Variants in SLC12A7 observed in about 807,000 individuals in gnomAD.
The protein encoded by SLC12A7 is solute carrier family 12 member 7.
A neutral mutation model predicts 120.6 loss-of-function variants in SLC12A7; 100 were observed. The observed-to-expected ratio is 0.83, with a 90% CI of 0.71 to 0.98. The LOEUF is 0.98. SLC12A7 is among the 50% of genes least tolerant of loss of function. The pLI, the probability that SLC12A7 is intolerant of heterozygous loss-of-function variation, is 0.00. For missense variants in SLC12A7, 1,373 were observed against 1,548.1 expected (o/e 0.89, Z 1.90); for synonymous variants, 760 against 678.0 (o/e 1.12, Z -1.88).
intron 3 of SLC12A7, among the ~76,000 whole-genome samples, chr5:1,090,656 G>C (rs1740392992): frequency 6.6e-6 from 1 of 152,182 alleles, no homozygotes; most frequent in South Asian, 2.1e-4. Context: ...GAGCCGACAG[G>C]CAGAGCTCCA....
At chr5:1,057,892 A>C (rs1356390220) in intron 21 of SLC12A7, among the ~76,000 whole-genome samples, 1 of 152,164 alleles carries the variant, frequency 6.6e-6, no homozygotes. Context: ...CCTGAACTGG[A>C]AAGGCCCCAT....
rs765402313 is a variant in SLC12A7, at chr5:1,083,936, C to CG, written c.937dup (p.Arg313ProfsTer41). On this transcript the variant is annotated frameshift_variant, in exon 8 of 24. Coordinates refer to ENST00000264930, the MANE Select transcript of SLC12A7 (RefSeq NM_006598.3). LOFTEE classifies it high-confidence loss of function. The stretch of plus-strand genomic sequence containing the variant: ...ATCGAAGCTGCGCCGTGACAGCGTG[C>CG]GGTTCCCCAGGAGGCAGACCCTGGG... The CG allele has an allele frequency of 1.9e-6, 3 of 1,603,544 alleles. No individual in the cohort carries two copies.
intron 1 of SLC12A7, among the ~76,000 whole-genome samples, chr5:1,104,833 C>T (rs1432252628): frequency 1.3e-5 from 2 of 152,266 alleles, no homozygotes; most frequent in East Asian, 1.9e-4. Context: ...CGGAAACAGG[C>T]ACGGGCTGGC....
chr5:1,075,204 C>A (rs1307931291), intron 15 of SLC12A7, among the ~76,000 whole-genome samples, 167 bp downstream of exon 15: 4 of 151,996 alleles, frequency 2.6e-5, no homozygotes, highest in African/African-American at 9.7e-5. Flanking sequence ...GAGGGAAACC[C>A]CAGCTTTCAC....
At chr5:1,058,025 G>A (rs933492024) in intron 21 of SLC12A7, among the ~76,000 whole-genome samples, 7 of 152,018 alleles carry the variant, frequency 4.6e-5, no homozygotes, top group Non-Finnish European at 7.4e-5. Context: ...AGGCGTCCCC[G>A]TCTCAGGGAG....
chr5:1,146,304 A>G, the SLC12A7 span, among the ~76,000 whole-genome samples: 1 of 152,130 alleles, frequency 6.6e-6, no homozygotes, highest in Non-Finnish European at 1.5e-5. This position sits in a 1 kb window ranked among gnomAD's most constrained non-coding sequence, Gnocchi z 6.5. Flanking sequence ...GTGGGAGCCC[A>G]GATGCTGGTG....
intron 9 of SLC12A7, among the ~76,000 whole-genome samples, chr5:1,080,033 G>A (rs1008854409): frequency 7.2e-5 from 11 of 152,174 alleles, no homozygotes; most frequent in East Asian, 1.9e-4. Flanking sequence ...GCCACTTCAC[G>A]CCTGGCTCGG....
At chr5:1,091,816 A>G (rs1158251132) in intron 3 of SLC12A7, among the ~76,000 whole-genome samples, 1 of 149,582 alleles carries the variant, frequency 6.7e-6, no homozygotes, top group East Asian at 2.0e-4. Context: ...GTTCCACACC[A>G]TCCACGTGCA....
chr5:1,142,263 G>A, the SLC12A7 span, among the ~76,000 whole-genome samples: 5 of 91,164 alleles, frequency 5.5e-5, no homozygotes, highest in African/African-American at 1.4e-4. Flanking sequence ...AACCTCCCCC[G>A]TCTCCTGTCC....
At chr5:1,059,060 G>T (rs374715261) in intron 21 of SLC12A7, among the ~76,000 whole-genome samples, 2 of 152,218 alleles carry the variant, frequency 1.3e-5, no homozygotes, top group Non-Finnish European at 2.9e-5. Context: ...AGCTGGACCC[G>T]GGCTGAACCC....
At chr5:1,052,493 G>A in intron 23 of SLC12A7, 42 bp from the exon 24 acceptor site, 1 of 1,507,056 alleles carries the variant, frequency 6.6e-7, no homozygotes, top group South Asian at 1.1e-5. Flanking sequence ...TCTTACCTGA[G>A]CGTGTGTAGC....
intron 22 of SLC12A7, 31 bp downstream of exon 22, chr5:1,057,440 T>C (rs373084150): frequency 2.2e-5 from 35 of 1,582,420 alleles, no homozygotes; most frequent in East Asian, 6.7e-5. Flanking sequence ...CCAGGATCTG[T>C]TCCCCCCAGG....
chr5:1,062,080 T>TG (rs560987182), intron 20 of SLC12A7, among the ~76,000 whole-genome samples: 176 of 152,042 alleles, frequency 1.2e-3, no homozygotes, highest in African/African-American at 4.0e-3. Flanking sequence ...GCTGGGAGCA[T>TG]GGGGGGTGCT....
intron 1 of SLC12A7, among the ~76,000 whole-genome samples, chr5:1,096,559 C>T (rs4975549): frequency 0.95 from 142,800 of 150,856 alleles, 68,105 homozygotes; most frequent in East Asian, 1. Flanking sequence ...TTTCTGGACA[C>T]AACGGCCAAC....
Position 1,078,717 on chromosome 5 carries a change from C to A in SLC12A7, c.1438G>T (p.Val480Leu), listed in dbSNP as rs151053159. Residue 480 changes from valine to leucine, a missense_variant, in exon 11 of 24, where the codon GTG becomes TTG. Physicochemically the swap from Val to Leu is conservative, Grantham distance 32 (BLOSUM62 1). Coordinates refer to ENST00000264930, the MANE Select transcript of SLC12A7 (RefSeq NM_006598.3). ...GAAACGTACTTATCTCGTAAGACCA[C>A]GCCTTCAATGCAGGCCCCAAACAGC... ...IVLFGACIEG[V>L]VLRDKFGEAL... 8.1e-6 allele frequency: 13 copies of A among 1,612,260 alleles called. No homozygotes were observed. Among genetic ancestry groups the A allele is most frequent in the South Asian group, 1.1e-5 (1 of 91,036 alleles).
intron 6 of SLC12A7, 26 bp downstream of exon 6, chr5:1,086,877 G>A: frequency 6.2e-7 from 1 of 1,610,012 alleles, no homozygotes; most frequent in Non-Finnish European, 8.5e-7. Flanking sequence ...TGTGGGGTGG[G>A]AACCCTTCCA....
the SLC12A7 span, among the ~76,000 whole-genome samples, chr5:1,155,350 C>G: frequency 6.6e-6 from 1 of 152,204 alleles, no homozygotes; most frequent in Non-Finnish European, 1.5e-5. Flanking sequence ...TCCCCGCCCT[C>G]CCCGCGAAGT....
At position 1,093,517 on chromosome 5, in the gene SLC12A7, G is replaced by T; in HGVS notation, c.342+16C>A. On this transcript the variant is annotated intron_variant, in intron 3 of 23. Transcript: ENST00000264930. ...ACGGGGCGGGGACTGGGCGGGCACG[G>T]GCAGGGTGGCAGTACCTTGGCCTCC... 6.3e-7 allele frequency: 1 copy of T among 1,587,092 alleles called. No homozygotes were observed.
Position 1,088,318 on chromosome 5 carries a change from C to G in SLC12A7, c.532G>C (p.Gly178Arg). The G allele has an allele frequency of 1.9e-6, 3 of 1,586,668 alleles. No individual in the cohort carries two copies. Among genetic ancestry groups the G allele is most frequent in the Non-Finnish European group, 2.6e-6 (3 of 1,167,166 alleles). ...AISMSAIATN[G>R]VVPAGGSYYM... ...GGGCACCCCTTACCTGGGACCACAC[C>G]GTTGGTAGCGATCGCACTCATGGAA... Residue 178 changes from glycine (G) to arginine (R), a missense_variant, in exon 5 of 24, where the codon GGT becomes CGT. Gly to Arg is a moderately radical substitution (Grantham distance 125, BLOSUM62 -2). Coordinates refer to ENST00000264930, the MANE Select transcript of SLC12A7 (RefSeq NM_006598.3).
Sources: allele counts gnomAD v4.1 joint callset (sites outside exome capture counted in the v4.1 genomes callset), GRCh38; gene constraint gnomAD v4.1.1; non-coding constraint Gnocchi (gnomAD v3.1); transcripts MANE v1.5; gene names NCBI Gene and HGNC (gene_info 2026-07-23, HGNC 2026-07-21).